ITGA2: variants seen among roughly 807,000 people sequenced by gnomAD.
The protein encoded by ITGA2 is integrin alpha-2.
A neutral mutation model predicts 146.3 loss-of-function variants in ITGA2; 101 were observed. The ratio of observed to expected loss-of-function variants is 0.69; its 90% CI spans 0.59 to 0.81. The LOEUF (loss-of-function observed/expected upper bound fraction) is 0.81. Ranked by LOEUF, ITGA2 falls within the 40% of genes least tolerant of loss-of-function variation. The pLI is 0.00. For synonymous variants in ITGA2, 477 were observed against 487.1 expected (o/e 0.98, Z 0.27); for missense variants, 1,281 against 1,402.7 (o/e 0.91, Z 1.39).
rs1373977137 is a variant in ITGA2 at position 53,018,136 on chromosome 5, T to C, written c.65-8612T>C. The stretch of plus-strand genomic sequence containing the variant: ...CAGACAGGAGATGCTCAGATAGGAC[T>C]GGCCCCATCCCACGGGCAAGACTGC... On this transcript the variant is annotated intron_variant, in intron 1 of 29. Transcript: ENST00000296585. 2.0e-5 allele frequency among the ~76,000 whole-genome samples: 3 copies of C among 152,224 alleles called. No individual in the cohort carries two copies. The East Asian group carries it at 5.8e-4, about 29-fold the overall frequency.
rs146617581 is a variant in ITGA2 at position 53,042,589 on chromosome 5, C to T, written c.295+368C>T. On this transcript the variant is annotated intron_variant, in intron 3 of 29. Transcript: ENST00000296585. ...ACCATTAAGTTTGGAAACATCAGTA[C>T]AAGGGCTGAGTTTGGAGGCACCAAA... Among the ~76,000 whole-genome samples the T allele has an allele frequency of 3.5e-3, 540 of 152,236 alleles. 5 individuals are homozygous for T. The highest frequency in any genetic ancestry group is 0.012 in the African/African-American group (519 of 41,546).
intron 1 of ITGA2, among the ~76,000 whole-genome samples, chr5:53,009,143 C>G (rs1447908030): frequency 2.0e-5 from 3 of 152,102 alleles, no homozygotes; most frequent in Non-Finnish European, 2.9e-5. Flanking sequence ...TTATCTCACC[C>G]CTCAATATTA....
chr5:53,074,536 T>A, intron 21 of ITGA2, 59 bp downstream of exon 21: 2 of 1,255,110 alleles, frequency 1.6e-6, no homozygotes, highest in Non-Finnish European at 2.3e-6. Flanking sequence ...ATATGCTAAT[T>A]TACCAACATA....
chr5:53,005,548 T>G (rs1741800406), intron 1 of ITGA2, among the ~76,000 whole-genome samples: 1 of 145,914 alleles, frequency 6.9e-6, no homozygotes, highest in South Asian at 2.2e-4. Context: ...ACCACTGCAC[T>G]CCAGCCTGGG....
rs1292747320 is a variant in ITGA2 at position 53,093,629 on chromosome 5, A to C, written c.*3030A>C. On this transcript the variant is annotated 3_prime_UTR_variant, in exon 30 of 30. Transcript: ENST00000296585. ...CAAGCACTTTTAAGCAAAGGTAAGTATTCATACAAGAAATTTAGGGGGAAA... is the reference window on the plus strand; with the variant it reads ...CAAGCACTTTTAAGCAAAGGTAAGTCTTCATACAAGAAATTTAGGGGGAAA... The C allele has an allele frequency of 6.6e-6, 1 of 152,238 alleles. No homozygotes were observed. Among genetic ancestry groups the C allele is most frequent in the Non-Finnish European group, 1.5e-5 (1 of 68,038 alleles). 9.4% of individuals were successfully genotyped at this position (152,238 alleles called of 1,614,324 possible).
intron 12 of ITGA2, among the ~76,000 whole-genome samples, chr5:53,061,924 T>C (rs1240075872): frequency 6.6e-6 from 1 of 151,922 alleles, no homozygotes; most frequent in East Asian, 1.9e-4. Context: ...GGTCACATAC[T>C]TTTCTCTCTT....
chr5:53,004,894 G>GTTTTTTTTTTT (rs548541753), intron 1 of ITGA2, among the ~76,000 whole-genome samples: 4 of 55,924 alleles, frequency 7.2e-5, no homozygotes, highest in African/African-American at 1.9e-4. Flanking sequence ...TAGTTGCTTT[G>GTTTTTTTTTTT]TTTTTTTTTT....
intron 25 of ITGA2, among the ~76,000 whole-genome samples, chr5:53,081,324 T>A (rs1041883698): frequency 6.6e-6 from 1 of 152,172 alleles, no homozygotes; most frequent in East Asian, 1.9e-4. Flanking sequence ...TACCCTGAAT[T>A]ATTCACAGTG....
chr5:52,999,550 C>T (rs1026231064), intron 1 of ITGA2, among the ~76,000 whole-genome samples: 2 of 151,540 alleles, frequency 1.3e-5, no homozygotes, highest in African/African-American at 4.9e-5. Context: ...GTGTTGATAC[C>T]CTTTGCCCAC....
intron 1 of ITGA2, among the ~76,000 whole-genome samples, chr5:52,989,895 C>T (rs1225846325): frequency 6.6e-6 from 1 of 151,754 alleles, no homozygotes; most frequent in Non-Finnish European, 1.5e-5. Flanking sequence ...GTCCTGGAGA[C>T]CGCGAGTCCT....
At chr5:52,990,881 A>C (rs530850821) in intron 1 of ITGA2, among the ~76,000 whole-genome samples, 2 of 152,304 alleles carry the variant, frequency 1.3e-5, no homozygotes, top group East Asian at 3.9e-4. Flanking sequence ...GTTGTACTTG[A>C]CATTGAAAAT....
At chr5:53,048,313 G>T (rs1222234654) in intron 4 of ITGA2, 50 bp from the exon 5 acceptor site, 2 of 1,338,064 alleles carry the variant, frequency 1.5e-6, no homozygotes, top group East Asian at 2.3e-5. Flanking sequence ...GAGGTAGAAG[G>T]TTTGCATTTT....
intron 12 of ITGA2, 43 bp downstream of exon 12, chr5:53,061,089 A>C: frequency 6.2e-7 from 1 of 1,603,938 alleles, no homozygotes. Context: ...TTTAGGGGCA[A>C]CTGGGCAGGT....
intron 4 of ITGA2, among the ~76,000 whole-genome samples, chr5:53,047,558 ATTTGTGT>A: frequency 6.6e-6 from 1 of 152,290 alleles, no homozygotes; most frequent in African/African-American, 2.4e-5. Context: ...AGTGAACCTC[ATTTGTGT>A]TTGCTTAGCA....
chr5:53,074,098 C>T lies in ITGA2; in HGVS notation c.2572-287C>T, dbSNP rs184239830. Among the ~76,000 whole-genome samples, 104 of 151,880 alleles carry T rather than the reference C, an allele frequency of 6.8e-4. 1 individual carries two copies. Among genetic ancestry groups the T allele is most frequent in the East Asian group, 4.7e-3 (24 of 5,126 alleles). On this transcript the variant is annotated intron_variant, in intron 20 of 29. Coordinates refer to ENST00000296585, the MANE Select transcript of ITGA2 (RefSeq NM_002203.4). ...TTCAAAATATTGAATTAAAGCTATT[C>T]GTGCATCTGAAAATAAAAACTATCA...
At chr5:53,041,134 G>A (rs1206094716) in intron 2 of ITGA2, among the ~76,000 whole-genome samples, 1 of 151,978 alleles carries the variant, frequency 6.6e-6, no homozygotes, top group African/African-American at 2.4e-5. Flanking sequence ...GAAAAAAAAT[G>A]GAAGCAAATA....
chr5:53,030,005 C>A (rs546330335), intron 2 of ITGA2, among the ~76,000 whole-genome samples: 1 of 152,280 alleles, frequency 6.6e-6, no homozygotes, highest in African/African-American at 2.4e-5. Context: ...CAGAGTAAAT[C>A]TAAGAGCCAC....
chr5:53,028,003 C>T (rs1179606844), intron 2 of ITGA2, among the ~76,000 whole-genome samples: 1 of 151,984 alleles, frequency 6.6e-6, no homozygotes, highest in Non-Finnish European at 1.5e-5. Flanking sequence ...TTGGCTTGAG[C>T]CCAGGAGTTT....
intron 1 of ITGA2, among the ~76,000 whole-genome samples, chr5:53,025,746 TAA>T (rs1343722636): frequency 6.6e-6 from 1 of 152,252 alleles, no homozygotes; most frequent in Non-Finnish European, 1.5e-5. Context: ...ATGTCAATTT[TAA>T]AGAGTCCATT....
Sources: allele counts gnomAD v4.1 joint callset (sites outside exome capture counted in the v4.1 genomes callset), GRCh38; gene constraint gnomAD v4.1.1; transcripts MANE v1.5; gene names NCBI Gene and HGNC (gene_info 2026-07-23, HGNC 2026-07-21).